DOK6: variants seen among roughly 807,000 people sequenced by gnomAD.
DOK6 encodes the protein docking protein 6.
Under a neutral mutation model 44.0 loss-of-function variants are expected in DOK6, and 22 were observed. The ratio of observed to expected loss-of-function variants is 0.50; its 90% confidence interval spans 0.36 to 0.71. DOK6 has a LOEUF of 0.71. Among genes scored for constraint, DOK6 ranks in the 30% least tolerant of loss-of-function variants. The probability of loss-of-function intolerance (pLI) is 0.00; values close to 1 mark genes in which losing one functional copy is unlikely to be tolerated. For missense variants in DOK6, 340 were observed against 416.4 expected, an observed-to-expected ratio of 0.82 and a Z score of 1.60; for synonymous variants, 166 against 145.5, an observed-to-expected ratio of 1.14 and a Z score of -1.01.
intron 7 of DOK6, among the ~76,000 whole-genome samples, chr18:69,779,535 T>A (rs969868309): frequency 1.2e-4 from 19 of 152,072 alleles, no homozygotes; most frequent in East Asian, 7.7e-4. Context: ...TTTATTAAAT[T>A]CTTGTAATTA....
chr18:69,699,150 C>T (rs1170694166), intron 5 of DOK6, among the ~76,000 whole-genome samples: 1 of 152,130 alleles, frequency 6.6e-6, no homozygotes, highest in African/African-American at 2.4e-5. Flanking sequence ...ACATAAACTA[C>T]AACCAACCAA....
intron 1 of DOK6, among the ~76,000 whole-genome samples, chr18:69,408,130 A>G (rs1286706585): frequency 3.3e-5 from 5 of 152,348 alleles, no homozygotes; most frequent in African/African-American, 1.2e-4. Flanking sequence ...ACCTAGGTTT[A>G]TAACTTCAAG....
chr18:69,803,121 C>T (rs1980951861), intron 7 of DOK6, among the ~76,000 whole-genome samples: 1 of 151,948 alleles, frequency 6.6e-6, no homozygotes, highest in Admixed American at 6.6e-5. Flanking sequence ...ATTGATTTAT[C>T]TGATTATAAA....
At chr18:69,642,442 CAGA>C (rs530162646) in intron 3 of DOK6, among the ~76,000 whole-genome samples, 29 of 152,072 alleles carry the variant, frequency 1.9e-4, no homozygotes, top group African/African-American at 6.0e-4. Context: ...AGGCTGAGGC[CAGA>C]AGTTCAGGGC....
At chr18:69,705,918 T>TA (rs34296321) in intron 5 of DOK6, among the ~76,000 whole-genome samples, 247 of 145,886 alleles carry the variant, frequency 1.7e-3, no homozygotes, top group African/African-American at 4.6e-3. Flanking sequence ...TAAATGTGAT[T>TA]AAAAAAAAAA....
intron 1 of DOK6, among the ~76,000 whole-genome samples, chr18:69,430,195 T>C (rs912689382): frequency 6.6e-6 from 1 of 152,148 alleles, no homozygotes; most frequent in Non-Finnish European, 1.5e-5. Flanking sequence ...TTCCAAAAAG[T>C]CTTAGGTTGT....
intron 1 of DOK6, among the ~76,000 whole-genome samples, chr18:69,505,872 C>A (rs1981172696): frequency 6.6e-6 from 1 of 151,524 alleles, no homozygotes; most frequent in African/African-American, 2.4e-5. Flanking sequence ...AACAAAAATT[C>A]ACCAAAATAC....
chr18:69,663,360 G>A (rs1224382828), intron 3 of DOK6: 4 of 151,440 alleles, frequency 2.6e-5, no homozygotes, highest in African/African-American at 7.3e-5. Flanking sequence ...TAATCTGTAC[G>A]ACAAACCCCC....
At chr18:69,822,819 T>A (rs983047075) in intron 7 of DOK6, among the ~76,000 whole-genome samples, 1 of 152,228 alleles carries the variant, frequency 6.6e-6, no homozygotes, top group Non-Finnish European at 1.5e-5. Context: ...CTTTAAATTG[T>A]TATACTTGTT....
At position 69,549,170 on chromosome 18, in the gene DOK6, G is replaced by C. The variant is rs190437332; in HGVS notation, c.67-15317G>C. Among the ~76,000 whole-genome samples the C allele has an allele frequency of 6.0e-5, 9 of 150,868 alleles. No homozygotes were observed. The East Asian group carries it at 1.7e-3, about 29-fold the overall frequency. Reference sequence around the variant, plus strand: ...TTAAGTTGATGCTGCTTGGAGTTCTGAATCTGATTTAAATGTTAGTGAATG... The same window carrying C: ...TTAAGTTGATGCTGCTTGGAGTTCTCAATCTGATTTAAATGTTAGTGAATG... On this transcript the variant is annotated intron_variant, in intron 1 of 7. Coordinates refer to ENST00000382713, the MANE Select transcript of DOK6 (RefSeq NM_152721.6).
intron 2 of DOK6, among the ~76,000 whole-genome samples, chr18:69,580,207 A>C (rs1056286979): frequency 6.6e-6 from 1 of 152,042 alleles, no homozygotes; most frequent in Non-Finnish European, 1.5e-5. Context: ...CTGGGTTTTC[A>C]TCTAGTGGCT....
chr18:69,839,429 G>GAACTCC, intron 7 of DOK6, among the ~76,000 whole-genome samples: 1 of 149,682 alleles, frequency 6.7e-6, no homozygotes. Context: ...CCCTCCCCTG[G>GAACTCC]TTCCGCCCCT....
intron 3 of DOK6, among the ~76,000 whole-genome samples, chr18:69,636,697 T>A (rs1220519308): frequency 6.6e-6 from 1 of 152,232 alleles, no homozygotes; most frequent in Non-Finnish European, 1.5e-5. Flanking sequence ...CTAGCTGCTC[T>A]TCTTGCAGTT....
chr18:69,479,075 C>T (rs1034602938), intron 1 of DOK6, among the ~76,000 whole-genome samples: 5 of 146,814 alleles, frequency 3.4e-5, no homozygotes, highest in African/African-American at 9.8e-5. Context: ...AGGATGCTTG[C>T]ATTGGGAGGT....
At chr18:69,720,180 C>T (rs550959212) in intron 5 of DOK6, among the ~76,000 whole-genome samples, 114 of 152,016 alleles carry the variant, frequency 7.5e-4, no homozygotes, top group African/African-American at 2.6e-3. Context: ...CAGAGGGAGA[C>T]TGACTCAAAA....
rs528846383 is a variant in DOK6 at position 69,782,759 on chromosome 18, G to A, written c.856+24886G>A. ...AGCCTGGGCAACAGAGCGAGACTCC[G>A]TCTCAAAAAATAAAAATTAAAAACT... On this transcript the variant is annotated intron_variant, in intron 7 of 7. Transcript: ENST00000382713. Among the ~76,000 whole-genome samples, 326 of 152,102 alleles carry A rather than the reference G, an allele frequency of 2.1e-3. 9 individuals are homozygous for A. The highest frequency in any genetic ancestry group is 2.5e-3 in the South Asian group (12 of 4,820).
At chr18:69,584,100 TC>T (rs1353125596) in intron 2 of DOK6, among the ~76,000 whole-genome samples, 1 of 85,778 alleles carries the variant, frequency 1.2e-5, no homozygotes, top group African/African-American at 4.3e-5. Flanking sequence ...ACAGTGAGAC[TC>T]CGTCTCAAAA....
intron 1 of DOK6, among the ~76,000 whole-genome samples, chr18:69,532,154 C>A (rs920725941): frequency 2.0e-5 from 3 of 152,170 alleles, no homozygotes; most frequent in African/African-American, 7.2e-5. Flanking sequence ...GAGAAATAAA[C>A]GTCTGTTGTT....
Position 69,698,514 on chromosome 18 carries a change from G to T in DOK6, c.520G>T (p.Val174Phe). The T allele has an allele frequency of 6.2e-7, 1 of 1,614,088 alleles. No individual in the cohort carries two copies. The change falls in exon 5 of 8, where the codon GTC (valine) becomes TTC (phenylalanine). Residue 174 changes from valine to phenylalanine, a missense_variant. Transcript: ENST00000382713. Reference protein sequence around the residue: ...IYLWDIHNAKVKLVMWPLSSL... With the variant: ...IYLWDIHNAKFKLVMWPLSSL... ...TCTCTGGGATATCCACAATGCCAAGGTCAAACTGGTGATGTGGCCTCTCAG... is the reference window on the plus strand; with the variant it reads ...TCTCTGGGATATCCACAATGCCAAGTTCAAACTGGTGATGTGGCCTCTCAG...
Sources: allele counts gnomAD v4.1 joint callset (sites outside exome capture counted in the v4.1 genomes callset), GRCh38; gene constraint gnomAD v4.1.1; transcripts MANE v1.5; gene names NCBI Gene and HGNC (gene_info 2026-07-23, HGNC 2026-07-21).